The following CASD1 variants were observed in gnomAD, a reference collection of about 807,000 sequenced individuals.
CASD1 encodes N-acetylneuraminate (7)9-O-acetyltransferase.
CASD1 carries 41 observed loss-of-function variants against 100.0 expected under a neutral mutation model. The ratio of observed to expected loss-of-function variants is 0.41; its 90% CI spans 0.32 to 0.53. The LOEUF is 0.53. Among genes scored for constraint, CASD1 ranks in the 20% least tolerant of loss-of-function variants. The probability of loss-of-function intolerance (pLI) is 0.25; values close to 1 mark genes in which losing one functional copy is unlikely to be tolerated. For synonymous variants in CASD1, 321 were observed against 315.6 expected (o/e 1.02, Z -0.18); for missense variants, 774 against 948.7 (o/e 0.82, Z 2.42).
At chr7:94,535,056 CTG>C (rs549626165) in intron 7 of CASD1, among the ~76,000 whole-genome samples, 206 of 152,240 alleles carry the variant, frequency 1.4e-3, no homozygotes, top group Non-Finnish European at 2.3e-3. Flanking sequence ...TTCCGCAAAT[CTG>C]TGTACATAAA....
chr7:94,571,870 C>CA, the CASD1 span, among the ~76,000 whole-genome samples: 1,048 of 141,954 alleles, frequency 7.4e-3, 6 homozygotes, highest in South Asian at 0.011. Context: ...ACTAAAACCT[C>CA]AAAAAAAAAA....
the CASD1 span, chr7:94,587,520 TA>T: frequency 7.7e-7 from 1 of 1,299,248 alleles, no homozygotes; most frequent in Non-Finnish European, 9.7e-7. Context: ...ATTTTCCTTT[TA>T]AAAAATAGCT....
intron 5 of CASD1, among the ~76,000 whole-genome samples, chr7:94,532,851 T>A (rs1794918052): frequency 6.6e-6 from 1 of 152,172 alleles, no homozygotes; most frequent in Admixed American, 6.5e-5. Context: ...CATGATTACC[T>A]TTTAATTGAC....
Position 94,509,899 on chromosome 7 carries a change from G to A in CASD1, c.-186G>A, listed in dbSNP as rs1368012934. 1.7e-5 allele frequency: 19 copies of A among 1,088,882 alleles called. No individual in the cohort carries two copies. In the East Asian group the frequency reaches 6.7e-4, roughly 38 times the overall value. 67.5% of individuals were successfully genotyped at this position (1,088,882 alleles called of 1,614,324 possible). A position where few individuals can be genotyped will look rare whatever the true frequency, so the allele number is the denominator to read the frequency against. On this transcript the variant is annotated 5_prime_UTR_variant, in exon 1 of 18. Transcript: ENST00000297273. ...GGCCGCCGAGTCGGCCGCGGCCGAG[G>A]AGGGGCAGGCGGAGGTCGGGGGCGC...
the CASD1 span, among the ~76,000 whole-genome samples, chr7:94,610,301 T>A: frequency 1.3e-5 from 2 of 152,180 alleles, no homozygotes; most frequent in Non-Finnish European, 2.9e-5. Context: ...TATACATTTG[T>A]CCAAACCCAC....
chr7:94,565,541 G>A, the CASD1 span, among the ~76,000 whole-genome samples: 1 of 152,150 alleles, frequency 6.6e-6, no homozygotes, highest in Non-Finnish European at 1.5e-5. Flanking sequence ...AACTGTCCCT[G>A]TAGGTGCTGT....
At chr7:94,524,583 C>T (rs1487741922) in intron 3 of CASD1, among the ~76,000 whole-genome samples, 2 of 151,974 alleles carry the variant, frequency 1.3e-5, no homozygotes, top group South Asian at 2.1e-4. Flanking sequence ...AAATAATTTG[C>T]GTTATCATTT....
intron 10 of CASD1, among the ~76,000 whole-genome samples, chr7:94,543,426 G>A (rs945671556): frequency 1.3e-5 from 2 of 152,134 alleles, no homozygotes; most frequent in Non-Finnish European, 2.9e-5. Context: ...GGCCGAGGCG[G>A]GTAGATCACC....
Position 94,538,894 on chromosome 7 carries a change from A to G in CASD1, c.1267-73A>G, listed in dbSNP as rs990428434. On this transcript the variant is annotated intron_variant, in intron 9 of 17. Transcript: ENST00000297273. ...TTTATGTCCTATAAGAAAACTTTTA[A>G]CATACTTATTATATGCCGTTAAATA... The G allele has an allele frequency of 4.2e-5, 30 of 722,692 alleles. No individual in the cohort carries two copies. In the Middle Eastern group the frequency reaches 2.6e-3, roughly 63 times the overall value. The allele number at this position is 722,692 out of a possible 1,614,324, so 44.8% of individuals were successfully genotyped here.
intron 17 of CASD1, 51 bp from the exon 18 acceptor site, chr7:94,555,441 T>C (rs930407648): frequency 6.5e-7 from 1 of 1,539,464 alleles, no homozygotes; most frequent in Non-Finnish European, 8.8e-7. Context: ...AAAACTGTAA[T>C]TTATTCATGG....
chr7:94,520,737 C>CGATT (rs1794218887), intron 3 of CASD1, among the ~76,000 whole-genome samples: 1 of 152,078 alleles, frequency 6.6e-6, no homozygotes, highest in South Asian at 2.1e-4. Flanking sequence ...GCAGGCAGAT[C>CGATT]ACGAGGTCAA....
the CASD1 span, among the ~76,000 whole-genome samples, chr7:94,612,886 C>T: frequency 6.6e-6 from 1 of 152,128 alleles, no homozygotes. Context: ...TCCTTCTCTC[C>T]ACATATTCAA....
the CASD1 span, among the ~76,000 whole-genome samples, chr7:94,571,040 C>A: frequency 7.2e-6 from 1 of 138,684 alleles, no homozygotes; most frequent in Non-Finnish European, 1.6e-5. Flanking sequence ...TTAAATTCTC[C>A]TTTTTTTTTT....
At chr7:94,630,436 A>G in the CASD1 span, among the ~76,000 whole-genome samples, 1 of 151,804 alleles carries the variant, frequency 6.6e-6, no homozygotes, top group African/African-American at 2.4e-5. Flanking sequence ...GATTTATTCA[A>G]TTTTCTCTGA....
the CASD1 span, chr7:94,618,671 T>G: frequency 1.8e-6 from 2 of 1,089,302 alleles, no homozygotes; most frequent in Non-Finnish European, 2.7e-6. Context: ...AAAAATGCAA[T>G]AGGCCATCTT....
intron 7 of CASD1, among the ~76,000 whole-genome samples, chr7:94,534,720 G>A (rs1302342673): frequency 3.3e-5 from 5 of 152,006 alleles, no homozygotes; most frequent in Non-Finnish European, 7.4e-5. Flanking sequence ...AAGATGAAAG[G>A]AATAAGAAAA....
intron 14 of CASD1, 121 bp downstream of exon 14, chr7:94,549,755 A>ACATCTATACTT: frequency 1.5e-6 from 1 of 686,734 alleles, no homozygotes; most frequent in Non-Finnish European, 2.4e-6. Flanking sequence ...TAGTAAATCA[A>ACATCTATACTT]AGCAGTCCAG....
Position 94,544,416 on chromosome 7 carries a change from G to T in CASD1, c.1362G>T (p.Leu454Phe). 2 of 1,612,658 alleles carry T rather than the reference G, an allele frequency of 1.2e-6. No individual in the cohort carries two copies. Among genetic ancestry groups the T allele is most frequent in the South Asian group, 1.1e-5 (1 of 90,854 alleles). Residue 454 changes from leucine to phenylalanine, a missense_variant, in exon 11 of 18, where the codon TTG (leucine) becomes TTT (phenylalanine). Transcript: ENST00000297273. ...CTGTTTATCTTTGTCAACAGTTTTT[G>T]CCTGTATACATGCACATTCGAGTTC... Reference protein sequence around the residue: ...IYHISGASTFLPVYMHIRVLV... With the variant: ...IYHISGASTFFPVYMHIRVLV...
intron 13 of CASD1, among the ~76,000 whole-genome samples, chr7:94,548,200 C>T (rs941345885): frequency 8.6e-5 from 13 of 151,870 alleles, no homozygotes; most frequent in African/African-American, 2.9e-4. Flanking sequence ...AAGAATGTTT[C>T]CCTAGCGTTG....
Sources: gnomAD v4.1 joint callset for allele counts (sites outside exome capture counted in the v4.1 genomes callset) on GRCh38, gnomAD v4.1.1 for gene constraint, MANE v1.5 for transcripts, NCBI Gene and HGNC (gene_info 2026-07-23, HGNC 2026-07-21) for gene names.